Variants in CSMD1 observed in about 807,000 individuals in gnomAD.
CSMD1 encodes the protein CUB and sushi domain-containing protein 1.
Under a neutral mutation model 417.5 loss-of-function variants are expected in CSMD1, and 213 were observed. That is an observed-to-expected ratio of 0.51 (90% CI 0.46 to 0.57). The LOEUF is 0.57. Among genes scored for constraint, CSMD1 ranks in the 20% least tolerant of loss-of-function variants. The pLI is 0.00. For missense variants in CSMD1, 6,923 were observed against 4,529.7 expected, an observed-to-expected ratio of 1.53 and a Z score of -15.17; for synonymous variants, 2,862 against 1,736.8, an observed-to-expected ratio of 1.65 and a Z score of -16.11.
At chr8:3,841,881 A>G (rs1459190755) in intron 5 of CSMD1, among the ~76,000 whole-genome samples, 3 of 151,758 alleles carry the variant, frequency 2.0e-5, no homozygotes, top group Non-Finnish European at 4.4e-5. Context: ...TGGGTTGGCC[A>G]CACTGGCCAC....
intron 4 of CSMD1, among the ~76,000 whole-genome samples, chr8:4,019,993 C>A (rs1047067296): frequency 6.6e-6 from 1 of 150,422 alleles, no homozygotes; most frequent in Non-Finnish European, 1.5e-5. Context: ...TCTTTTCAAA[C>A]TGTTTGCCAT....
intron 3 of CSMD1, among the ~76,000 whole-genome samples, chr8:4,413,625 C>G (rs773959225): frequency 6.6e-6 from 1 of 152,118 alleles, no homozygotes; most frequent in African/African-American, 2.4e-5. Context: ...TATTCAGTTG[C>G]ACAAGACAGC....
chr8:4,092,195 A>T lies in CSMD1; in HGVS notation c.416-60096T>A, dbSNP rs150067676. Among the ~76,000 whole-genome samples the T allele has an allele frequency of 5.2e-3, 798 of 152,294 alleles. 3 individuals carry two copies. The highest frequency in any genetic ancestry group is 0.015 in the African/African-American group (643 of 41,556). On this transcript the variant is annotated intron_variant, in intron 3 of 69. Transcript: ENST00000635120. ...TTTCAAAATCCATTGAAATTAATAGACATGTATTGATAACTATTTAAGGTC... is the reference window on the plus strand; with the variant it reads ...TTTCAAAATCCATTGAAATTAATAGTCATGTATTGATAACTATTTAAGGTC...
At chr8:4,063,143 C>G (rs62501267) in intron 3 of CSMD1, among the ~76,000 whole-genome samples, 1 of 151,658 alleles carries the variant, frequency 6.6e-6, no homozygotes, top group Non-Finnish European at 1.5e-5. Flanking sequence ...TTTCAAAATG[C>G]CTAGAAGATT....
chr8:4,463,453 T>C (rs1004262183), intron 2 of CSMD1, among the ~76,000 whole-genome samples: 1 of 152,190 alleles, frequency 6.6e-6, no homozygotes, highest in Non-Finnish European at 1.5e-5. Context: ...CGTAAAAATT[T>C]GTATGCAAAT....
intron 5 of CSMD1, among the ~76,000 whole-genome samples, chr8:3,764,078 A>C (rs1014379235): frequency 3.9e-5 from 6 of 152,142 alleles, no homozygotes; most frequent in Admixed American, 3.3e-4. Context: ...TCTCAGATGT[A>C]TATTTCTGGT....
intron 1 of CSMD1, among the ~76,000 whole-genome samples, chr8:4,975,428 C>T (rs766671824): frequency 2.6e-4 from 39 of 152,172 alleles, no homozygotes; most frequent in Admixed American, 6.6e-5. Context: ...GGCTACTTTG[C>T]TTTAACCTTC....
chr8:4,021,878 T>G (rs1355993888), intron 4 of CSMD1, among the ~76,000 whole-genome samples: 2 of 151,996 alleles, frequency 1.3e-5, no homozygotes, highest in Admixed American at 6.6e-5. Flanking sequence ...TCCCCCTCTC[T>G]AGCTTGTAAG....
chr8:3,484,271 T>G (rs191062544), intron 11 of CSMD1, among the ~76,000 whole-genome samples: 1 of 152,122 alleles, frequency 6.6e-6, no homozygotes, highest in Non-Finnish European at 1.5e-5. Context: ...AGCTCAGAAA[T>G]AGACCCACAC....
chr8:3,257,481 A>G (rs1020203283), intron 26 of CSMD1, among the ~76,000 whole-genome samples: 1 of 152,190 alleles, frequency 6.6e-6, no homozygotes, highest in Non-Finnish European at 1.5e-5. Context: ...ATGAAATATT[A>G]TGGATATGGA....
chr8:4,394,538 C>G (rs919219481), intron 3 of CSMD1, among the ~76,000 whole-genome samples: 2 of 152,178 alleles, frequency 1.3e-5, no homozygotes, highest in East Asian at 1.9e-4. Flanking sequence ...AGCCTAAACT[C>G]ATTGCTTTGG....
intron 3 of CSMD1, among the ~76,000 whole-genome samples, chr8:4,171,350 T>A (rs534070637): frequency 6.6e-6 from 1 of 152,068 alleles, no homozygotes; most frequent in Admixed American, 6.5e-5. Flanking sequence ...AAACAACTCC[T>A]TACCTTCCTT....
At chr8:3,728,267 G>A (rs547227400) in intron 6 of CSMD1, among the ~76,000 whole-genome samples, 10 of 152,112 alleles carry the variant, frequency 6.6e-5, no homozygotes, top group South Asian at 2.1e-4. Flanking sequence ...TCTCTTTGCC[G>A]CCACCATGTA....
intron 5 of CSMD1, among the ~76,000 whole-genome samples, chr8:3,923,617 G>A (rs1019244182): frequency 6.6e-6 from 1 of 151,828 alleles, no homozygotes; most frequent in Non-Finnish European, 1.5e-5. Flanking sequence ...CCATTTTTGT[G>A]GTTCAGTAAT....
chr8:3,975,924 G>C (rs902166391), intron 5 of CSMD1, among the ~76,000 whole-genome samples: 4 of 151,892 alleles, frequency 2.6e-5, no homozygotes, highest in African/African-American at 9.7e-5. Context: ...TTTCATAAAA[G>C]TTATTTGCAG....
At chr8:3,907,726 A>C (rs1356566955) in intron 5 of CSMD1, among the ~76,000 whole-genome samples, 1 of 152,202 alleles carries the variant, frequency 6.6e-6, no homozygotes, top group Admixed American at 6.5e-5. Context: ...GAGAAGTGTT[A>C]TGTGAGTAAT....
At chr8:3,055,953 C>A (rs977987044) in intron 49 of CSMD1, among the ~76,000 whole-genome samples, 5 of 152,154 alleles carry the variant, frequency 3.3e-5, no homozygotes, top group African/African-American at 1.2e-4. Context: ...ATCATCCTTA[C>A]AAAATGCGAG....
intron 52 of CSMD1, among the ~76,000 whole-genome samples, chr8:3,003,535 G>C (rs1004247018): frequency 2.0e-5 from 3 of 152,148 alleles, no homozygotes; most frequent in Non-Finnish European, 4.4e-5. Context: ...CCTTTACATT[G>C]TCTCCTATGT....
chr8:3,971,586 G>C (rs990585442), intron 5 of CSMD1, among the ~76,000 whole-genome samples: 3 of 152,096 alleles, frequency 2.0e-5, no homozygotes, highest in South Asian at 4.1e-4. Context: ...TAATTTTGTA[G>C]AATATGTTCA....
Sources: gnomAD v4.1 joint callset for allele counts (sites outside exome capture counted in the v4.1 genomes callset) on GRCh38, gnomAD v4.1.1 for gene constraint, MANE v1.5 for transcripts, NCBI Gene and HGNC (gene_info 2026-07-23, HGNC 2026-07-21) for gene names.